Variants in SH3TC1 observed in about 807,000 individuals in gnomAD.
SH3TC1 encodes SH3 domain and tetratricopeptide repeat-containing protein 1.
SH3TC1 carries 135 observed loss-of-function variants against 117.3 expected under a neutral mutation model. The observed-to-expected ratio is 1.15, with a 90% CI of 1.00 to 1.33. SH3TC1 has a LOEUF of 1.33. SH3TC1 is among the 40% of genes most tolerant of loss of function. The pLI, the probability that SH3TC1 is intolerant of heterozygous loss-of-function variation, is 0.00. For missense variants in SH3TC1, 2,092 were observed against 1,794.3 expected (o/e 1.17, Z -3.00); for synonymous variants, 898 against 816.9 (o/e 1.10, Z -1.69).
intron 9 of SH3TC1, 103 bp downstream of exon 9, chr4:8,219,633 A>C: frequency 8.0e-7 from 1 of 1,243,954 alleles, no homozygotes; most frequent in Non-Finnish European, 1.1e-6. Flanking sequence ...CCTGAAAGTC[A>C]CTGTGGACGA....
At chr4:8,202,123 G>A (rs961288050) in intron 1 of SH3TC1, among the ~76,000 whole-genome samples, 1 of 152,184 alleles carries the variant, frequency 6.6e-6, no homozygotes, top group African/African-American at 2.4e-5. Flanking sequence ...TTGCAGGCAG[G>A]GGCTTCCTGG....
chr4:8,216,132 C>A lies in SH3TC1; in HGVS notation c.503C>A (p.Ala168Glu), dbSNP rs1719244075. The A allele has an allele frequency of 6.2e-7, 1 of 1,613,366 alleles. No individual in the cohort carries two copies. Among genetic ancestry groups the A allele is most frequent in the Admixed American group, 1.7e-5 (1 of 59,994 alleles). The stretch of plus-strand genomic sequence containing the variant: ...ACAGGCTTCACTCATCACTGCCTGG[C>A]AAACCTGCTCATGGACCAGGCCTTC... ...HALGFTHHCL[A>E]NLLMDQAFWL... The change falls in exon 6 of 18, where the codon GCA becomes GAA. Residue 168 changes from alanine to glutamate, a missense_variant. Ala to Glu is a moderately radical substitution (Grantham distance 107). Coordinates refer to ENST00000245105, the MANE Select transcript of SH3TC1 (RefSeq NM_018986.5).
At position 8,183,262 on chromosome 4, in the gene SH3TC1, G is replaced by A. The variant is rs1162263579; in HGVS notation, c.-57+1052G>A. Among the ~76,000 whole-genome samples, 2 of 152,320 alleles carry A rather than the reference G, an allele frequency of 1.3e-5. No homozygotes were observed. The highest frequency in any genetic ancestry group is 3.9e-4 in the East Asian group (2 of 5,186). ...TCCTCCCCCTCGTTTACAGAGGAAG[G>A]CCGGCGCTCAAGGTGGCAGGACTGG... On this transcript the variant is annotated intron_variant, in intron 1 of 16. Coordinates refer to the SH3TC1 transcript ENST00000508641. This position sits in a 1 kb window ranked among gnomAD's most constrained non-coding sequence, Gnocchi z 5.4.
chr4:8,192,973 A>C lies in SH3TC1; in HGVS notation c.-57+10763A>C. ...CTGTTTCACAGCACAAGACAGCCTC[A>C]GCTCTGTGGTCCACAAACCACATGA... On this transcript the variant is annotated intron_variant, in intron 1 of 16. Transcript: ENST00000508641. The surrounding 1 kb of genome is among the most constrained non-coding windows in gnomAD (Gnocchi z 4.1). 6.6e-6 allele frequency among the ~76,000 whole-genome samples: 1 copy of C among 152,240 alleles called. No homozygotes were observed. Among genetic ancestry groups the C allele is most frequent in the Admixed American group, 6.5e-5 (1 of 15,288 alleles).
rs190594613 is a variant in SH3TC1, at chr4:8,217,975, A to G, written c.840-296A>G. ...CTCACTGTGTGGAGCTGGGGGAGGC[A>G]GGTGCTTTGGAGGTCTGCAGGGTTC... On this transcript the variant is annotated intron_variant, in intron 7 of 17. Coordinates refer to ENST00000245105, the MANE Select transcript of SH3TC1 (RefSeq NM_018986.5). Among the ~76,000 whole-genome samples, 216 of 151,790 alleles carry G rather than the reference A, an allele frequency of 1.4e-3. 1 individual carries two copies. Among genetic ancestry groups the G allele is most frequent in the African/African-American group, 5.0e-3 (206 of 41,372 alleles).
intron 16 of SH3TC1, chr4:8,236,940 C>G (rs1281106): frequency 0.22 from 36,239 of 161,712 alleles, 4,753 homozygotes; most frequent in South Asian, 0.38. Context: ...TGGCCCAGGG[C>G]CTGGTACACA....
intron 17 of SH3TC1, 72 bp from the exon 18 acceptor site, chr4:8,240,626 G>A: frequency 6.3e-7 from 1 of 1,589,852 alleles, no homozygotes. Context: ...GGAATGACCT[G>A]GGCACAGGAA....
Position 8,228,239 on chromosome 4 carries a change from C to T in SH3TC1, c.2545C>T (p.Gln849Ter), listed in dbSNP as rs1720745149. Residue 849 changes from glutamine (Q) to a stop codon, truncating the protein, a stop_gained, in exon 12 of 18, where the codon CAG becomes TAG. Coordinates refer to ENST00000245105, the MANE Select transcript of SH3TC1 (RefSeq NM_018986.5). LOFTEE classifies it high-confidence loss of function. ...GAGCCCGGTGGCCCTGGACATCCTGCAGTCTGTCCGGGATGCAGTGGTGGC... is the reference window on the plus strand; with the variant it reads ...GAGCCCGGTGGCCCTGGACATCCTGTAGTCTGTCCGGGATGCAGTGGTGGC... ...GQSPVALDIL[Q>*]SVRDAVVASE... 1.9e-6 allele frequency: 3 copies of T among 1,609,716 alleles called. No individual in the cohort carries two copies. Among genetic ancestry groups the T allele is most frequent in the African/African-American group, 1.3e-5 (1 of 74,904 alleles).
At chr4:8,226,130 G>T (rs1376588855) in intron 11 of SH3TC1, among the ~76,000 whole-genome samples, 1 of 152,214 alleles carries the variant, frequency 6.6e-6, no homozygotes, top group Non-Finnish European at 1.5e-5. Flanking sequence ...ATGTGAGCTT[G>T]AAACAGAGAG....
chr4:8,190,546 C>T lies in SH3TC1; in HGVS notation c.-57+8336C>T, dbSNP rs1717384962. ...CCTTGCAGCCCCTGCTGTGTGCCCT[C>T]ATCTGGGACCTTCTCCTCTGTGCAC... On this transcript the variant is annotated intron_variant, in intron 1 of 16. Coordinates refer to the SH3TC1 transcript ENST00000508641. This position sits in a 1 kb window ranked among gnomAD's most constrained non-coding sequence, Gnocchi z 4.7. Among the ~76,000 whole-genome samples the T allele has an allele frequency of 6.6e-6, 1 of 152,126 alleles. No individual in the cohort carries two copies. Among genetic ancestry groups the T allele is most frequent in the African/African-American group, 2.4e-5 (1 of 41,432 alleles).
chr4:8,204,166 A>G (rs570063839), intron 1 of SH3TC1, among the ~76,000 whole-genome samples: 10 of 152,168 alleles, frequency 6.6e-5, no homozygotes, highest in African/African-American at 2.4e-4. Context: ...TGCAGAGGGG[A>G]TGTTTGCTGG....
chr4:8,226,932 G>T lies in SH3TC1; in HGVS notation c.1286-48G>T, dbSNP rs748491678. ...GGGACCCTGCCCCCAGTGGACCCAG[G>T]ACTCACTGCTGGACTCTAATCTGTC... On this transcript the variant is annotated intron_variant, in intron 11 of 17. Transcript: ENST00000245105. The T allele has an allele frequency of 2.8e-6, 4 of 1,422,190 alleles. No individual in the cohort carries two copies. In the Admixed American group the frequency reaches 7.6e-5, roughly 27 times the overall value. 88.1% of individuals were successfully genotyped at this position (1,422,190 alleles called of 1,614,324 possible).
At chr4:8,232,430 C>CA in intron 13 of SH3TC1, 1 of 1,539,870 alleles carries the variant, frequency 6.5e-7, no homozygotes, top group Non-Finnish European at 8.8e-7. Flanking sequence ...CCAGCAGAAG[C>CA]AGTTACATGC....
At chr4:8,238,654 G>A (rs1410125538) in intron 17 of SH3TC1, among the ~76,000 whole-genome samples, 1 of 152,208 alleles carries the variant, frequency 6.6e-6, no homozygotes, top group Admixed American at 6.5e-5. Flanking sequence ...AGCGGTCCCT[G>A]TGGCCTCCCA....
rs1029880761 is a variant in SH3TC1, at chr4:8,210,747, A to G, written c.247+925A>G. Among the ~76,000 whole-genome samples, 1 of 1,072 alleles carries G rather than the reference A, an allele frequency of 9.3e-4. No homozygotes were observed. The highest frequency in any genetic ancestry group is 1.7e-3 in the African/African-American group (1 of 600). The allele number at this position is 1,072 out of a possible 152,430, so 0.7% of individuals were successfully genotyped here. A position where few individuals can be genotyped will look rare whatever the true frequency, so the allele number is the denominator to read the frequency against. On this transcript the variant is annotated intron_variant, in intron 3 of 17. Transcript: ENST00000245105. The surrounding 1 kb of genome is among the most constrained non-coding windows in gnomAD (Gnocchi z 4.1). ...TGCACTCCAGCCTGGGCAACTTCTG[A>G]AAAAAAAAAAAAAAAAAAAAAAAAA...
chr4:8,223,726 G>A (rs1302809214), intron 10 of SH3TC1, among the ~76,000 whole-genome samples: 3 of 150,856 alleles, frequency 2.0e-5, no homozygotes, highest in Admixed American at 1.3e-4. Flanking sequence ...TCTGCCTCCC[G>A]GGTTCAAGCG....
chr4:8,188,312 C>T (rs1013149280), intron 1 of SH3TC1, among the ~76,000 whole-genome samples: 5 of 152,218 alleles, frequency 3.3e-5, no homozygotes, highest in Non-Finnish European at 7.3e-5. Flanking sequence ...GCATCTGACT[C>T]ATCCATGTCG....
At chr4:8,233,904 CCATCCATCATTCATCCACTCTTTTGT>C (rs906383768) in intron 14 of SH3TC1, among the ~76,000 whole-genome samples, 4 of 151,150 alleles carry the variant, frequency 2.6e-5, no homozygotes, top group Non-Finnish European at 4.4e-5. Flanking sequence ...CATCATCCAT[CCATCCATCATTCATCCACTCTTTTGT>C]CATCCATCCA....
At chr4:8,232,796 T>C in intron 13 of SH3TC1, 1 of 1,287,850 alleles carries the variant, frequency 7.8e-7, no homozygotes, top group Non-Finnish European at 1.0e-6. Context: ...GGAGATCGGC[T>C]CCAGCCTTGG....
Sources: allele counts gnomAD v4.1 joint callset (sites outside exome capture counted in the v4.1 genomes callset), GRCh38; gene constraint gnomAD v4.1.1; non-coding constraint Gnocchi (gnomAD v3.1); transcripts MANE v1.5; gene names NCBI Gene and HGNC (gene_info 2026-07-23, HGNC 2026-07-21).